Variants in TMEM151A observed in about 807,000 individuals in gnomAD.
TMEM151A encodes the protein transmembrane protein 151A, also known as transmembrane protein 151.
TMEM151A carries 21 observed loss-of-function variants against 33.7 expected under a neutral mutation model. That is an observed-to-expected ratio of 0.62 (90% confidence interval 0.44 to 0.90). The LOEUF is 0.90. Among genes scored for constraint, TMEM151A ranks in the 40% least tolerant of loss-of-function variants. TMEM151A has a pLI of 0.00. For missense variants in TMEM151A, 704 were observed against 697.7 expected (o/e 1.01, Z -0.10); for synonymous variants, 374 against 330.3 (o/e 1.13, Z -1.43).
chr11:66,294,320 A>G lies in TMEM151A; in HGVS notation c.76-2A>G, dbSNP rs1157647196. ...GACTTCCCTTTCTCTGCCCACCTGC[A>G]GCAGCGGCCCCTGAAACAGTCCCTG... On this transcript the variant is annotated splice_acceptor_variant, in intron 1 of 1. Transcript: ENST00000327259. LOFTEE classifies it high-confidence loss of function. 1 of 1,606,376 alleles carries G rather than the reference A, an allele frequency of 6.2e-7. No individual in the cohort carries two copies. Among genetic ancestry groups the G allele is most frequent in the Non-Finnish European group, 8.5e-7 (1 of 1,179,504 alleles).
chr11:66,295,755 C>A lies in TMEM151A; in HGVS notation c.*102C>A. 2 of 1,121,380 alleles carry A rather than the reference C, an allele frequency of 1.8e-6. No individual in the cohort carries two copies. Among genetic ancestry groups the A allele is most frequent in the Non-Finnish European group, 1.2e-6 (1 of 849,620 alleles). 69.5% of individuals were successfully genotyped at this position (1,121,380 alleles called of 1,614,324 possible). On this transcript the variant is annotated 3_prime_UTR_variant, in exon 2 of 2. Transcript: ENST00000327259. Reference sequence around the variant, plus strand: ...AAAACAGGCGGGAAAACAGACCAGCCACACACAAGGGGCAGGGGTGAGGGT... The same window carrying A: ...AAAACAGGCGGGAAAACAGACCAGCAACACACAAGGGGCAGGGGTGAGGGT...
chr11:66,294,546 C>T lies in TMEM151A; in HGVS notation c.300C>T (p.Tyr100=). ...PASPCSDGYL[Y]IPLAFVSLLY... Reference sequence around the variant, plus strand: ...GCCCCTGCTCCGATGGCTACCTGTACATCCCGCTGGCCTTCGTCTCCCTCC... The same window carrying T: ...GCCCCTGCTCCGATGGCTACCTGTATATCCCGCTGGCCTTCGTCTCCCTCC... The change falls in exon 2 of 2, where the codon TAC becomes TAT. Residue 100 remains tyrosine, a synonymous_variant. Transcript: ENST00000327259. 6.2e-7 allele frequency: 1 copy of T among 1,612,866 alleles called. No individual in the cohort carries two copies. The highest frequency in any genetic ancestry group is 8.5e-7 in the Non-Finnish European group (1 of 1,179,474).
chr11:66,293,012 G>A (rs1400942805), intron 1 of TMEM151A, among the ~76,000 whole-genome samples: 11 of 136,934 alleles, frequency 8.0e-5, no homozygotes, highest in Admixed American at 4.3e-4. Flanking sequence ...TGGTGTGTGC[G>A]TGTGTGTGTG....
Position 66,292,107 on chromosome 11 carries a change from C to G in TMEM151A, c.75+19C>G, listed in dbSNP as rs1037032242. 3 of 1,427,734 alleles carry G rather than the reference C, an allele frequency of 2.1e-6. No individual in the cohort carries two copies. The highest frequency in any genetic ancestry group is 2.7e-6 in the Non-Finnish European group (3 of 1,100,606). 88.4% of individuals were successfully genotyped at this position (1,427,734 alleles called of 1,614,324 possible). On this transcript the variant is annotated intron_variant, in intron 1 of 1. Coordinates refer to ENST00000327259, the MANE Select transcript of TMEM151A (RefSeq NM_153266.4). This position sits in a 1 kb window ranked among gnomAD's most constrained non-coding sequence, Gnocchi z 4.7. ...GGAAGAGGTACCGGCGCTGGGGGGG[C>G]CGGAGCCGGGCCTGGGGCGGCGTGA...
In TMEM151A at chr11:66,292,234, A is replaced by G; in HGVS notation, c.75+146A>G. Reference sequence around the variant, plus strand: ...CATTGGGGTCACCTGCGCCCTGCCAAGGGTCCAGGGGCCCGCGTTGGGGGT... The same window carrying G: ...CATTGGGGTCACCTGCGCCCTGCCAGGGGTCCAGGGGCCCGCGTTGGGGGT... On this transcript the variant is annotated intron_variant, in intron 1 of 1. Coordinates refer to ENST00000327259, the MANE Select transcript of TMEM151A (RefSeq NM_153266.4). The surrounding 1 kb of genome is among the most constrained non-coding windows in gnomAD (Gnocchi z 4.7). The G allele has an allele frequency of 1.5e-6, 1 of 674,596 alleles. No homozygotes were observed. The allele number at this position is 674,596 out of a possible 1,614,324, so 41.8% of individuals were successfully genotyped here. A position where few individuals can be genotyped will look rare whatever the true frequency, so the allele number is the denominator to read the frequency against.
Position 66,294,809 on chromosome 11 carries a change from C to T in TMEM151A, c.563C>T (p.Thr188Met), listed in dbSNP as rs751716148. Reference sequence around the variant, plus strand: ...TACCATGAGCGCGCTGACAGCCGCACGGCCCGCGGCGAGTTTGACTACTCG... The same window carrying T: ...TACCATGAGCGCGCTGACAGCCGCATGGCCCGCGGCGAGTTTGACTACTCG... ...QVYHERADSR[T>M]ARGEFDYSAH... Residue 188 changes from threonine (T) to methionine (M), a missense_variant, in exon 2 of 2, where the codon ACG becomes ATG. Coordinates refer to ENST00000327259, the MANE Select transcript of TMEM151A (RefSeq NM_153266.4). 4 of 1,542,054 alleles carry T rather than the reference C, an allele frequency of 2.6e-6. No individual in the cohort carries two copies. The highest frequency in any genetic ancestry group is 2.4e-5 in the South Asian group (2 of 84,106).
At position 66,294,616 on chromosome 11, in the gene TMEM151A, T is replaced by A; in HGVS notation, c.370T>A (p.Ser124Thr). The A allele has an allele frequency of 6.2e-7, 1 of 1,612,436 alleles. No individual in the cohort carries two copies. The highest frequency in any genetic ancestry group is 8.5e-7 in the Non-Finnish European group (1 of 1,179,378). The part of the protein sequence containing the change: ...LAECWHCHVR[S>T]CQAPRTDAHT... ...TGAGTGCTGGCACTGTCACGTGCGG[T>A]CCTGCCAGGCGCCACGCACCGACGC... The change falls in exon 2 of 2, where the codon TCC (serine) becomes ACC (threonine). Residue 124 changes from serine (S) to threonine (T), a missense_variant. Around this residue, in one of 3 missense-constraint regions of TMEM151A, gnomAD observed 301 missense variants for 323.4 expected, o/e 0.93. Coordinates refer to ENST00000327259, the MANE Select transcript of TMEM151A (RefSeq NM_153266.4).
Position 66,292,594 on chromosome 11 carries a change from C to T in TMEM151A, c.75+506C>T, listed in dbSNP as rs907136133. 6.6e-6 allele frequency among the ~76,000 whole-genome samples: 1 copy of T among 152,224 alleles called. No individual in the cohort carries two copies. Among genetic ancestry groups the T allele is most frequent in the African/African-American group, 2.4e-5 (1 of 41,454 alleles). ...CCATTCTGCTGGCTGGGACCCCCGA[C>T]GGCCCCTCCTCAGCCCTAGCCAGGA... On this transcript the variant is annotated intron_variant, in intron 1 of 1. Transcript: ENST00000327259. The surrounding 1 kb of genome is among the most constrained non-coding windows in gnomAD (Gnocchi z 4.7).
In TMEM151A at chr11:66,295,591, T is replaced by A; in HGVS notation, c.1345T>A (p.Phe449Ile). ...GCCCTGCTATGAGGACGCCCTCTAC[T>A]TCCCGGTGCTCATTGTCCACGGAGA... is the stretch of plus-strand genomic sequence containing the variant. ...SPPCYEDALY[F>I]PVLIVHGDSG... Residue 449 changes from phenylalanine to isoleucine, a missense_variant, in exon 2 of 2, where the codon TTC becomes ATC. By Grantham distance (21) the Phe-to-Ile change is conservative (BLOSUM62 0). Transcript: ENST00000327259. 4.5e-6 allele frequency: 7 copies of A among 1,539,750 alleles called. No homozygotes were observed. The highest frequency in any genetic ancestry group is 5.2e-6 in the Non-Finnish European group (6 of 1,145,504).
chr11:66,295,711 G>T lies in TMEM151A; in HGVS notation c.*58G>T. 7.3e-7 allele frequency: 1 copy of T among 1,363,550 alleles called. No homozygotes were observed. Among genetic ancestry groups the T allele is most frequent in the Middle Eastern group, 2.6e-4 (1 of 3,822 alleles). 84.5% of individuals were successfully genotyped at this position (1,363,550 alleles called of 1,614,324 possible). Reference sequence around the variant, plus strand: ...CCACCATTCCACCATGGGCTTAGATGCCCGAGTGATTGTTGTCCAAAACAG... The same window carrying T: ...CCACCATTCCACCATGGGCTTAGATTCCCGAGTGATTGTTGTCCAAAACAG... On this transcript the variant is annotated 3_prime_UTR_variant, in exon 2 of 2. Coordinates refer to ENST00000327259, the MANE Select transcript of TMEM151A (RefSeq NM_153266.4).
At position 66,295,364 on chromosome 11, in the gene TMEM151A, A is replaced by G; in HGVS notation, c.1118A>G (p.Tyr373Cys). 3.8e-6 allele frequency: 6 copies of G among 1,569,736 alleles called. No individual in the cohort carries two copies. The highest frequency in any genetic ancestry group is 5.2e-6 in the Non-Finnish European group (6 of 1,160,750). ...AVVMGAGSGA[Y>C]LRGCQRCRRS... The stretch of plus-strand genomic sequence containing the variant: ...GTCATGGGCGCGGGCTCGGGCGCCT[A>G]CCTCAGAGGCTGCCAGCGCTGCCGC... Residue 373 changes from tyrosine to cysteine, a missense_variant, in exon 2 of 2, where the codon TAC becomes TGC. Tyr to Cys is a radical substitution (Grantham distance 194). Around this residue, in one of 3 missense-constraint regions of TMEM151A, gnomAD observed 398 missense variants for 356.0 expected, o/e 1.12. Transcript: ENST00000327259.
In TMEM151A at chr11:66,295,565, C is replaced by T. The variant is rs776641245; in HGVS notation, c.1319C>T (p.Pro440Leu). 14 of 1,491,814 alleles carry T rather than the reference C, an allele frequency of 9.4e-6. No homozygotes were observed. Among genetic ancestry groups the T allele is most frequent in the Non-Finnish European group, 1.2e-5 (14 of 1,122,400 alleles). The allele number at this position is 1,491,814 out of a possible 1,614,324, so 92.4% of individuals were successfully genotyped here. A position where few individuals can be genotyped will look rare whatever the true frequency, so the allele number is the denominator to read the frequency against. Residue 440 changes from proline (P) to leucine (L), a missense_variant, in exon 2 of 2, where the codon CCG becomes CTG. By Grantham distance (98) the Pro-to-Leu change is moderately conservative. Around this residue, in one of 3 missense-constraint regions of TMEM151A, gnomAD observed 398 missense variants for 356.0 expected, o/e 1.12. Coordinates refer to ENST00000327259, the MANE Select transcript of TMEM151A (RefSeq NM_153266.4). ...GAGGACACGGAACCCCTGGAGAGCCCGCCCTGCTATGAGGACGCCCTCTAC... is the reference window on the plus strand; with the variant it reads ...GAGGACACGGAACCCCTGGAGAGCCTGCCCTGCTATGAGGACGCCCTCTAC... ...RGEDTEPLES[P>L]PCYEDALYFP...
chr11:66,295,746 CAG>C lies in TMEM151A; in HGVS notation c.*95_*96del, dbSNP rs1857514427. 8.2e-7 allele frequency: 1 copy of C among 1,225,686 alleles called. No individual in the cohort carries two copies. Among genetic ancestry groups the C allele is most frequent in the African/African-American group, 1.6e-5 (1 of 63,044 alleles). 75.9% of individuals were successfully genotyped at this position (1,225,686 alleles called of 1,614,324 possible). On this transcript the variant is annotated 3_prime_UTR_variant, in exon 2 of 2. Coordinates refer to ENST00000327259, the MANE Select transcript of TMEM151A (RefSeq NM_153266.4). ...TTGTTGTCCAAAACAGGCGGGAAAACAGACCAGCCACACACAAGGGGCAGGGG... is the reference window on the plus strand; with the variant it reads ...TTGTTGTCCAAAACAGGCGGGAAAACACCAGCCACACACAAGGGGCAGGGG...
At chr11:66,293,807 C>G (rs1325493843) in intron 1 of TMEM151A, among the ~76,000 whole-genome samples, 1 of 152,176 alleles carries the variant, frequency 6.6e-6, no homozygotes, top group East Asian at 1.9e-4. Context: ...GGATGAGGGA[C>G]CTGCCCAAGT....
Position 66,295,047 on chromosome 11 carries a change from C to A in TMEM151A, c.801C>A (p.Arg267=). 1 of 1,598,892 alleles carries A rather than the reference C, an allele frequency of 6.3e-7. No individual in the cohort carries two copies. Among genetic ancestry groups the A allele is most frequent in the South Asian group, 1.1e-5 (1 of 90,964 alleles). ...EGMHLKDVDF[R]ESLMVFADPR... is the part of the protein sequence containing the mutation. ...TGCACCTGAAGGACGTAGACTTCCG[C>A]GAGTCGCTCATGGTCTTCGCCGACC... Residue 267 remains arginine, a synonymous_variant, in exon 2 of 2, where the codon CGC becomes CGA. Coordinates refer to ENST00000327259, the MANE Select transcript of TMEM151A (RefSeq NM_153266.4).
intron 1 of TMEM151A, among the ~76,000 whole-genome samples, chr11:66,294,025 C>A (rs770477485): frequency 1.3e-5 from 2 of 152,248 alleles, no homozygotes; most frequent in Non-Finnish European, 2.9e-5. Context: ...GTGCAAGGAT[C>A]CATCCCTCCT....
rs1590900192 is a variant in TMEM151A at position 66,292,981 on chromosome 11, G to A, written c.75+893G>A. ...GTGCAACGTGTATGTGCACGTGTGT[G>A]TCCTGTGGTGGATGGGTATGTGGTG... On this transcript the variant is annotated intron_variant, in intron 1 of 1. Coordinates refer to ENST00000327259, the MANE Select transcript of TMEM151A (RefSeq NM_153266.4). This position sits in a 1 kb window ranked among gnomAD's most constrained non-coding sequence, Gnocchi z 4.7. Among the ~76,000 whole-genome samples, 2 of 152,126 alleles carry A rather than the reference G, an allele frequency of 1.3e-5. No homozygotes were observed. The highest frequency in any genetic ancestry group is 3.9e-4 in the East Asian group (2 of 5,166).
At position 66,296,554 on chromosome 11, in the gene TMEM151A, G is replaced by A. The variant is rs376368624; in HGVS notation, c.*901G>A. On this transcript the variant is annotated 3_prime_UTR_variant, in exon 2 of 2. Coordinates refer to ENST00000327259, the MANE Select transcript of TMEM151A (RefSeq NM_153266.4). ...CAGGGGACACTGACCCTCCCCCAGG[G>A]AGGAGAGAGGAGTTCCTTCCCTTTC... is the stretch of plus-strand genomic sequence containing the variant. 2 of 152,766 alleles carry A rather than the reference G, an allele frequency of 1.3e-5. No homozygotes were observed. Among genetic ancestry groups the A allele is most frequent in the African/African-American group, 4.8e-5 (2 of 41,572 alleles). The allele number at this position is 152,766 out of a possible 1,614,324, so 9.5% of individuals were successfully genotyped here. A position where few individuals can be genotyped will look rare whatever the true frequency, so the allele number is the denominator to read the frequency against.
intron 1 of TMEM151A, among the ~76,000 whole-genome samples, chr11:66,293,420 T>C (rs1259670881): frequency 6.6e-6 from 1 of 151,914 alleles, no homozygotes; most frequent in African/African-American, 2.4e-5. Flanking sequence ...CACCTGAGGG[T>C]GAGGTGGCTA....
Sources: allele counts gnomAD v4.1 joint callset (sites outside exome capture counted in the v4.1 genomes callset), GRCh38; gene constraint gnomAD v4.1.1; regional missense constraint gnomAD v4.1.1; non-coding constraint Gnocchi (gnomAD v3.1); transcripts MANE v1.5; gene names NCBI Gene and HGNC (gene_info 2026-07-23, HGNC 2026-07-21).